The following SLC36A1 variants were observed in gnomAD, a reference collection of about 807,000 sequenced individuals.
SLC36A1 encodes proton-coupled amino acid transporter 1.
SLC36A1 carries 30 observed loss-of-function variants against 47.5 expected under a neutral mutation model. The ratio of observed to expected loss-of-function variants is 0.63; its 90% CI spans 0.47 to 0.86. SLC36A1 has a LOEUF of 0.86. Ranked by LOEUF, SLC36A1 falls within the 40% of genes least tolerant of loss-of-function variation. The probability of loss-of-function intolerance (pLI) is 0.00; values close to 1 mark genes in which losing one functional copy is unlikely to be tolerated. For synonymous variants in SLC36A1, 255 were observed against 249.7 expected, an observed-to-expected ratio of 1.02 and a Z score of -0.20; for missense variants, 517 against 606.0, an observed-to-expected ratio of 0.85 and a Z score of 1.54.
At chr5:151,537,521 T>A in the SLC36A1 span, among the ~76,000 whole-genome samples, 2 of 152,028 alleles carry the variant, frequency 1.3e-5, no homozygotes, top group African/African-American at 4.8e-5. Flanking sequence ...ATAAAATAAA[T>A]CCCCTTAGCA....
chr5:151,544,745 T>C, the SLC36A1 span: 1 of 1,614,196 alleles, frequency 6.2e-7, no homozygotes, highest in Non-Finnish European at 8.5e-7. Context: ...AAGGGTTTCT[T>C]GAGTGATATG....
the SLC36A1 span, among the ~76,000 whole-genome samples, chr5:151,531,175 G>A: frequency 6.6e-6 from 1 of 152,154 alleles, no homozygotes; most frequent in Non-Finnish European, 1.5e-5. This position sits in a 1 kb window ranked among gnomAD's most constrained non-coding sequence, Gnocchi z 5.7. Context: ...TGGATGTGGG[G>A]ACTCCAGGAG....
At chr5:151,503,575 C>T in the SLC36A1 span, among the ~76,000 whole-genome samples, 4 of 151,694 alleles carry the variant, frequency 2.6e-5, no homozygotes, top group African/African-American at 7.3e-5. Context: ...TTTCCTGTCT[C>T]GGTGTCATCA....
the SLC36A1 span, among the ~76,000 whole-genome samples, chr5:151,347,022 TTA>T: frequency 6.6e-6 from 1 of 152,200 alleles, no homozygotes; most frequent in Non-Finnish European, 1.5e-5. Context: ...ATTCTAGCCC[TTA>T]TCCTGCCAAT....
chr5:151,530,714 G>A, the SLC36A1 span, among the ~76,000 whole-genome samples: 1 of 152,154 alleles, frequency 6.6e-6, no homozygotes, highest in Non-Finnish European at 1.5e-5. Flanking sequence ...TTTAGAAAAG[G>A]AGTTCTTATT....
At chr5:151,353,652 T>A in the SLC36A1 span, among the ~76,000 whole-genome samples, 1 of 152,104 alleles carries the variant, frequency 6.6e-6, no homozygotes, top group Non-Finnish European at 1.5e-5. Flanking sequence ...ATGGCGTGTA[T>A]CTACCATGAG....
At chr5:151,468,251 CAAA>C (rs1214176868) in intron 7 of SLC36A1, among the ~76,000 whole-genome samples, 2 of 31,286 alleles carry the variant, frequency 6.4e-5, no homozygotes, top group African/African-American at 3.4e-4. Context: ...GACTCTGTCT[CAAA>C]AAAAAAAAAA....
At chr5:151,450,230 A>T (rs1750701941) in intron 1 of SLC36A1, among the ~76,000 whole-genome samples, 1 of 151,996 alleles carries the variant, frequency 6.6e-6, no homozygotes, top group Non-Finnish European at 1.5e-5. Flanking sequence ...ACTTACTAGC[A>T]TGTGGGATGG....
the SLC36A1 span, among the ~76,000 whole-genome samples, chr5:151,526,512 A>G: frequency 3.3e-5 from 5 of 152,204 alleles, no homozygotes; most frequent in African/African-American, 1.2e-4. Flanking sequence ...CTATAACACA[A>G]TGGTTGCTAA....
chr5:151,454,042 A>G (rs972296810), intron 1 of SLC36A1, among the ~76,000 whole-genome samples: 1 of 151,512 alleles, frequency 6.6e-6, no homozygotes, highest in African/African-American at 2.4e-5. Context: ...CAATAGTTAC[A>G]TAAGGAAAAA....
chr5:151,487,301 C>A (rs1759696292), intron 10 of SLC36A1, among the ~76,000 whole-genome samples: 1 of 152,246 alleles, frequency 6.6e-6, no homozygotes, highest in South Asian at 2.1e-4. Context: ...GCCGATGGCA[C>A]CTCCTGCGGC....
At chr5:151,551,427 TCTC>T in the SLC36A1 span, 1 of 1,601,176 alleles carries the variant, frequency 6.2e-7, no homozygotes, top group Non-Finnish European at 8.5e-7. Flanking sequence ...AGGCCTTCCA[TCTC>T]CTCTCAATAC....
the SLC36A1 span, among the ~76,000 whole-genome samples, chr5:151,500,052 A>C: frequency 6.6e-6 from 1 of 152,058 alleles, no homozygotes; most frequent in South Asian, 2.1e-4. Context: ...CCACCTCCCC[A>C]AATCTGGGCC....
the SLC36A1 span, chr5:151,380,401 G>T: frequency 5.1e-6 from 2 of 389,608 alleles, no homozygotes; most frequent in Non-Finnish European, 1.0e-5. Context: ...AAACAAGAGC[G>T]TGTGGAAACC....
chr5:151,367,770 A>G, the SLC36A1 span, among the ~76,000 whole-genome samples: 1 of 152,194 alleles, frequency 6.6e-6, no homozygotes, highest in Non-Finnish European at 1.5e-5. Flanking sequence ...AAGTTGTCCC[A>G]ATTTATGTTC....
At chr5:151,414,860 C>T in the SLC36A1 span, 3 of 152,152 alleles carry the variant, frequency 2.0e-5, no homozygotes, top group African/African-American at 7.2e-5. Context: ...TCCAGCCTTA[C>T]CTCACTTATC....
the SLC36A1 span, among the ~76,000 whole-genome samples, chr5:151,402,692 T>C: frequency 2.6e-5 from 4 of 152,198 alleles, no homozygotes; most frequent in African/African-American, 7.2e-5. Context: ...AAGCTCATTA[T>C]TGGTCTGTTC....
the SLC36A1 span, among the ~76,000 whole-genome samples, chr5:151,386,173 C>T: frequency 2.6e-5 from 4 of 152,004 alleles, no homozygotes; most frequent in Admixed American, 6.6e-5. Context: ...CCACCGCACC[C>T]GGCCCCTTCT....
At chr5:151,471,998 C>T (rs1757373271) in intron 7 of SLC36A1, among the ~76,000 whole-genome samples, 2 of 152,146 alleles carry the variant, frequency 1.3e-5, no homozygotes, top group South Asian at 4.1e-4. Context: ...CACCCTGCCC[C>T]TTCCACACAG....
Sources: gnomAD v4.1 joint callset for allele counts (sites outside exome capture counted in the v4.1 genomes callset) on GRCh38, gnomAD v4.1.1 for gene constraint, Gnocchi (gnomAD v3.1) non-coding constraint, MANE v1.5 for transcripts, NCBI Gene and HGNC (gene_info 2026-07-23, HGNC 2026-07-21) for gene names.